Variants in BMPR1B observed in about 807,000 individuals in gnomAD.
BMPR1B encodes bone morphogenetic protein receptor type-1B.
A neutral mutation model predicts 59.1 loss-of-function variants in BMPR1B; 12 were observed. The ratio of observed to expected loss-of-function variants is 0.20; its 90% CI spans 0.13 to 0.33. The LOEUF is 0.33. BMPR1B is among the 10% of genes least tolerant of loss of function. BMPR1B has a pLI of 1.00. For missense variants in BMPR1B, 550 were observed against 610.9 expected (o/e 0.90, Z 1.05); for synonymous variants, 237 against 207.3 (o/e 1.14, Z -1.23).
chr4:95,127,044 C>CTCTGTGTGTGTGTG (rs1732953958), intron 8 of BMPR1B, among the ~76,000 whole-genome samples: 1 of 146,364 alleles, frequency 6.8e-6, no homozygotes, highest in Admixed American at 6.9e-5. Flanking sequence ...AGAATTAAGA[C>CTCTGTGTGTGTGTG]TGTGTGTGTG....
chr4:94,986,010 C>A (rs1721380693), intron 2 of BMPR1B, among the ~76,000 whole-genome samples: 1 of 152,106 alleles, frequency 6.6e-6, no homozygotes, highest in African/African-American at 2.4e-5. Flanking sequence ...TGTATTCTTT[C>A]ATTTTCTCTA....
At chr4:95,154,251 T>C (rs962827743) in intron 12 of BMPR1B, among the ~76,000 whole-genome samples, 2 of 152,214 alleles carry the variant, frequency 1.3e-5, no homozygotes, top group African/African-American at 4.8e-5. Flanking sequence ...TCTGGGAGTA[T>C]TGAGTGGAAT....
At chr4:95,062,053 C>T (rs1305575934) in intron 3 of BMPR1B, among the ~76,000 whole-genome samples, 1 of 152,132 alleles carries the variant, frequency 6.6e-6, no homozygotes, top group Non-Finnish European at 1.5e-5. Context: ...TGTGAGTTTC[C>T]TGAGGCCTCA....
At chr4:94,973,858 T>A (rs1730907254) in intron 2 of BMPR1B, among the ~76,000 whole-genome samples, 1 of 152,206 alleles carries the variant, frequency 6.6e-6, no homozygotes, top group Non-Finnish European at 1.5e-5. Context: ...CAGAATTCAT[T>A]TACTGAATTC....
intron 1 of BMPR1B, among the ~76,000 whole-genome samples, chr4:94,800,540 G>T (rs1037226781): frequency 3.3e-5 from 5 of 150,868 alleles, no homozygotes; most frequent in African/African-American, 1.2e-4. Context: ...CACTCTTGTG[G>T]ACTAGGTGGG....
At chr4:94,844,838 G>C (rs978345689) in intron 1 of BMPR1B, among the ~76,000 whole-genome samples, 1 of 152,218 alleles carries the variant, frequency 6.6e-6, no homozygotes, top group South Asian at 2.1e-4. Context: ...ATAATTGTCA[G>C]TGAATCATGT....
intron 3 of BMPR1B, among the ~76,000 whole-genome samples, chr4:95,059,837 TATAAC>T (rs1727220413): frequency 6.6e-6 from 1 of 152,204 alleles, no homozygotes; most frequent in East Asian, 1.9e-4. Context: ...CCAACAATAA[TATAAC>T]AGTTGGCCAA....
intron 1 of BMPR1B, among the ~76,000 whole-genome samples, chr4:94,843,440 G>C (rs1725178848): frequency 6.6e-6 from 1 of 152,170 alleles, no homozygotes; most frequent in Admixed American, 6.5e-5. Flanking sequence ...CTGGGTCTTT[G>C]ATGTGTTTCT....
chr4:95,007,006 T>A (rs1023822578), intron 3 of BMPR1B, among the ~76,000 whole-genome samples: 3 of 152,182 alleles, frequency 2.0e-5, no homozygotes, highest in African/African-American at 7.2e-5. Flanking sequence ...GCAACTCTAT[T>A]CCTACAAGGA....
chr4:94,793,721 G>A (rs1223705984), intron 1 of BMPR1B, among the ~76,000 whole-genome samples: 2 of 144,912 alleles, frequency 1.4e-5, no homozygotes, highest in African/African-American at 5.2e-5. Flanking sequence ...TAACTGGTGT[G>A]AGATGGTATC....
chr4:95,109,416 T>G (rs1238211940), intron 4 of BMPR1B, among the ~76,000 whole-genome samples: 1 of 152,110 alleles, frequency 6.6e-6, no homozygotes, highest in Non-Finnish European at 1.5e-5. Context: ...AAAGTTTGTG[T>G]TAACTCAGGC....
At chr4:94,759,833 TTG>T (rs777332471) in intron 1 of BMPR1B, among the ~76,000 whole-genome samples, 6 of 152,210 alleles carry the variant, frequency 3.9e-5, no homozygotes, top group South Asian at 4.1e-4. Context: ...GCAAAAAAGT[TTG>T]TGTTATAAGC....
chr4:95,144,838 A>G (rs1423378043), intron 10 of BMPR1B, among the ~76,000 whole-genome samples: 3 of 152,174 alleles, frequency 2.0e-5, no homozygotes, highest in African/African-American at 7.2e-5. Flanking sequence ...TTTTGTTTTT[A>G]ATGGGATATT....
Position 95,154,766 on chromosome 4 carries a change from A to G in BMPR1B, c.*93A>G. 1.9e-6 allele frequency: 3 copies of G among 1,559,084 alleles called. No homozygotes were observed. The highest frequency in any genetic ancestry group is 1.7e-5 in the Admixed American group (1 of 59,164). On this transcript the variant is annotated 3_prime_UTR_variant, in exon 13 of 13. Transcript: ENST00000515059. Reference sequence around the variant, plus strand: ...AAGACATCAAATAAGCATCCACAGTACAAGCCTTGAACATCGTCCTGCTTC... The same window carrying G: ...AAGACATCAAATAAGCATCCACAGTGCAAGCCTTGAACATCGTCCTGCTTC...
intron 1 of BMPR1B, among the ~76,000 whole-genome samples, chr4:94,770,263 A>G (rs572742701): frequency 6.9e-6 from 1 of 144,284 alleles, no homozygotes; most frequent in African/African-American, 2.6e-5. Flanking sequence ...GAGCTAGTCT[A>G]TGTTAGACCA....
At chr4:95,147,366 A>G (rs946363409) in intron 10 of BMPR1B, among the ~76,000 whole-genome samples, 2 of 152,214 alleles carry the variant, frequency 1.3e-5, no homozygotes, top group East Asian at 3.9e-4. Flanking sequence ...CATGTATTTC[A>G]TGTTGTAGAA....
chr4:94,961,762 C>T (rs1240634666), intron 2 of BMPR1B, among the ~76,000 whole-genome samples: 7 of 151,956 alleles, frequency 4.6e-5, no homozygotes, highest in African/African-American at 9.7e-5. Context: ...ATTTCCTATT[C>T]GTTTATAAAT....
intron 4 of BMPR1B, among the ~76,000 whole-genome samples, chr4:95,109,556 A>G (rs1731461155): frequency 6.6e-6 from 1 of 152,100 alleles, no homozygotes; most frequent in Non-Finnish European, 1.5e-5. Context: ...GAATGTCATT[A>G]TAAACCATCC....
intron 3 of BMPR1B, chr4:95,051,611 G>C: frequency 8.2e-7 from 1 of 1,225,596 alleles, no homozygotes; most frequent in South Asian, 1.4e-5. Context: ...TCTGACAAGA[G>C]TGGCAGCAGA....
Sources: gnomAD v4.1 joint callset for allele counts (sites outside exome capture counted in the v4.1 genomes callset) on GRCh38, gnomAD v4.1.1 for gene constraint, MANE v1.5 for transcripts, NCBI Gene and HGNC (gene_info 2026-07-23, HGNC 2026-07-21) for gene names.